The following BICRA variants were observed in gnomAD, a reference collection of about 807,000 sequenced individuals.
BICRA encodes BRD4-interacting chromatin-remodeling complex-associated protein.
In BICRA, 31 loss-of-function variants were observed where a neutral mutation model predicts 96.9. The ratio of observed to expected loss-of-function variants is 0.32; its 90% CI spans 0.24 to 0.43. BICRA has a LOEUF of 0.43. BICRA is among the 20% of genes least tolerant of loss of function. The pLI, the probability that BICRA is intolerant of heterozygous loss-of-function variation, is 1.00. For synonymous variants in BICRA, 1,350 were observed against 1,071.8 expected (o/e 1.26, Z -5.07); for missense variants, 2,283 against 2,190.3 (o/e 1.04, Z -0.84).
chr19:47,680,645 A>G lies in BICRA; in HGVS notation c.1475A>G (p.Asn492Ser), dbSNP rs771343407. 8 of 1,609,102 alleles carry G rather than the reference A, an allele frequency of 5.0e-6. No individual in the cohort carries two copies. The highest frequency in any genetic ancestry group is 5.9e-6 in the Non-Finnish European group (7 of 1,178,026). ...LPQQLSALPA[N>S]VGGQILAAAA... ...CAGCAGCTCTCAGCCCTGCCGGCCA[A>G]CGTGGGCGGGCAGATCCTGGCGGCC... The change falls in exon 6 of 15, where the codon AAC (asparagine) becomes AGC (serine). Residue 492 changes from asparagine (N) to serine (S), a missense_variant. Asn to Ser is a conservative substitution (Grantham distance 46). Coordinates refer to ENST00000594866, the MANE Select transcript of BICRA (RefSeq NM_001394372.1).
chr19:47,614,332 T>C (rs575876125), intron 1 of BICRA, among the ~76,000 whole-genome samples: 1 of 152,156 alleles, frequency 6.6e-6, no homozygotes, highest in East Asian at 1.9e-4. Context: ...TTAAAACTAT[T>C]CAGGCCGGGC....
Position 47,699,112 on chromosome 19 carries a change from G to A in BICRA, c.3492+53G>A. ...CTGGGCTCCTCCTCGCTGGGACACT[G>A]CCCCTTTCCCTCACCCGCTCTGGGC... On this transcript the variant is annotated intron_variant, in intron 13 of 14. Coordinates refer to ENST00000594866, the MANE Select transcript of BICRA (RefSeq NM_001394372.1). This position sits in a 1 kb window ranked among gnomAD's most constrained non-coding sequence, Gnocchi z 5.0. 1.6e-6 allele frequency: 2 copies of A among 1,258,784 alleles called. No individual in the cohort carries two copies. The allele number at this position is 1,258,784 out of a possible 1,614,324, so 78.0% of individuals were successfully genotyped here. A position where few individuals can be genotyped will look rare whatever the true frequency, so the allele number is the denominator to read the frequency against.
At chr19:47,621,208 G>T (rs1972060052) in intron 1 of BICRA, among the ~76,000 whole-genome samples, 1 of 152,126 alleles carries the variant, frequency 6.6e-6, no homozygotes, top group South Asian at 2.1e-4. Context: ...GCCATCAGTT[G>T]TAAGATGCAG....
At chr19:47,696,615 C>A in intron 11 of BICRA, 103 bp downstream of exon 11, 1 of 1,041,790 alleles carries the variant, frequency 9.6e-7, no homozygotes, top group Non-Finnish European at 1.4e-6. Context: ...GCCCAAGTGC[C>A]AAGCCCAGCT....
In BICRA at chr19:47,698,905, C is replaced by T. The variant is rs1026153743; in HGVS notation, c.3398-60C>T. ...ATGCTGACCCTGCCCCGCCCTCCTT[C>T]CTGCGCATCCGCGGCCGCCCCCAAC... is the stretch of plus-strand genomic sequence containing the variant. On this transcript the variant is annotated intron_variant, in intron 12 of 14. Coordinates refer to ENST00000594866, the MANE Select transcript of BICRA (RefSeq NM_001394372.1). The surrounding 1 kb of genome is among the most constrained non-coding windows in gnomAD (Gnocchi z 4.8). 9 of 1,399,708 alleles carry T rather than the reference C, an allele frequency of 6.4e-6. No individual in the cohort carries two copies. The highest frequency in any genetic ancestry group is 5.7e-5 in the African/African-American group (4 of 70,148). The allele number at this position is 1,399,708 out of a possible 1,614,324, so 86.7% of individuals were successfully genotyped here.
rs115513993 is a variant in BICRA, at chr19:47,696,294, T to C, written c.3187-157T>C. 4.8e-3 allele frequency among the ~76,000 whole-genome samples: 730 copies of C among 152,242 alleles called. 3 individuals are homozygous for C. The highest frequency in any genetic ancestry group is 0.017 in the African/African-American group (697 of 41,548). On this transcript the variant is annotated intron_variant, in intron 10 of 14. Transcript: ENST00000594866. ...AGCCCAGGTCTTCCCCTGGGGTTCA[T>C]TGTGATGGGCAGGGGATCCTGTAGC...
chr19:47,698,586 T>TGCCCCCCCCCCCCCC lies in BICRA; in HGVS notation c.3249-48_3249-47insGCCCCCCCCCCCCCC. The TGCCCCCCCCCCCCCC allele has an allele frequency of 1.4e-6, 1 of 716,714 alleles. No individual in the cohort carries two copies. 44.4% of individuals were successfully genotyped at this position (716,714 alleles called of 1,614,324 possible). On this transcript the variant is annotated intron_variant, in intron 11 of 14. Transcript: ENST00000594866. This position sits in a 1 kb window ranked among gnomAD's most constrained non-coding sequence, Gnocchi z 4.8. The stretch of plus-strand genomic sequence containing the variant: ...AGGGACTTCCCCTGGCCCTCACCCG[T>TGCCCCCCCCCCCCCC]CCCCCCCACCCTCCGCCGTGTGTGG...
At chr19:47,646,925 T>G (rs1013407191) in intron 1 of BICRA, among the ~76,000 whole-genome samples, 2 of 152,196 alleles carry the variant, frequency 1.3e-5, no homozygotes, top group African/African-American at 4.8e-5. Context: ...AAAGAAACTC[T>G]GCATCCCTTA....
intron 7 of BICRA, 27 bp from the exon 8 acceptor site, chr19:47,694,088 T>TTCC: frequency 1.7e-6 from 1 of 581,756 alleles, no homozygotes; most frequent in Non-Finnish European, 2.1e-6. Context: ...CCCCCGCCCC[T>TTCC]CCCCTCTCCC....
At chr19:47,647,215 C>T (rs1307169576) in intron 1 of BICRA, among the ~76,000 whole-genome samples, 2 of 151,372 alleles carry the variant, frequency 1.3e-5, no homozygotes, top group African/African-American at 2.4e-5. Context: ...TTTTTTTTTC[C>T]AGTTTGCACT....
intron 1 of BICRA, among the ~76,000 whole-genome samples, chr19:47,627,981 G>A (rs926249876): frequency 6.6e-6 from 1 of 152,140 alleles, no homozygotes; most frequent in African/African-American, 2.4e-5. Flanking sequence ...TGTTGGCCAG[G>A]CTGGTCTCGA....
In BICRA at chr19:47,686,300, A is replaced by G. The variant is rs112679074; in HGVS notation, c.2283+4148A>G. Among the ~76,000 whole-genome samples, 6 of 152,304 alleles carry G rather than the reference A, an allele frequency of 3.9e-5. 1 individual carries two copies. Among genetic ancestry groups the G allele is most frequent in the African/African-American group, 1.4e-4 (6 of 41,560 alleles). ...ATGTATTTGTATATATACACATATCACTGAAACAAAAGTTTCATGAAATAT... is the reference window on the plus strand; with the variant it reads ...ATGTATTTGTATATATACACATATCGCTGAAACAAAAGTTTCATGAAATAT... On this transcript the variant is annotated intron_variant, in intron 7 of 14. Coordinates refer to ENST00000594866, the MANE Select transcript of BICRA (RefSeq NM_001394372.1).
Position 47,699,674 on chromosome 19 carries a change from G to A in BICRA, c.3595+269G>A, listed in dbSNP as rs922916313. On this transcript the variant is annotated intron_variant, in intron 14 of 14. Transcript: ENST00000594866. The surrounding 1 kb of genome is among the most constrained non-coding windows in gnomAD (Gnocchi z 5.0). The stretch of plus-strand genomic sequence containing the variant: ...TGGGGGGAATATTTCTGCCACCCCC[G>A]TGGGACACAAAACAGGAGAGCAGGC... Among the ~76,000 whole-genome samples the A allele has an allele frequency of 3.5e-4, 54 of 152,164 alleles. No individual in the cohort carries two copies. The highest frequency in any genetic ancestry group is 1.2e-3 in the South Asian group (6 of 4,836).
Position 47,619,224 on chromosome 19 carries a change from T to TC in BICRA, c.-108+10059dup, listed in dbSNP as rs1412239118. Among the ~76,000 whole-genome samples, 23 of 109,840 alleles carry TC rather than the reference T, an allele frequency of 2.1e-4. No individual in the cohort carries two copies. The East Asian group carries it at 4.9e-3, about 23-fold the overall frequency. The allele number at this position is 109,840 out of a possible 152,430, so 72.1% of individuals were successfully genotyped here. ...TACATATATATATACACATTTTTTT[T>TC]CCCAACCCCTTTTTTTTTTCCTTTT... On this transcript the variant is annotated intron_variant, in intron 1 of 14. Transcript: ENST00000594866.
At position 47,659,637 on chromosome 19, in the gene BICRA, G is replaced by A. The variant is rs1483018081; in HGVS notation, c.-107-10806G>A. ...GATGCCCCACTTGCCCCTTTGTCTG[G>A]ATTCCTTTGTGCAGTGAACAACCTG... is the stretch of plus-strand genomic sequence containing the variant. On this transcript the variant is annotated intron_variant, in intron 1 of 14. Transcript: ENST00000594866. 4.1e-5 allele frequency among the ~76,000 whole-genome samples: 6 copies of A among 146,520 alleles called. No individual in the cohort carries two copies. The Admixed American group carries it at 4.2e-4, about 10-fold the overall frequency.
chr19:47,702,115 C>T lies in BICRA; in HGVS notation c.4383C>T (p.Asp1461=). The change falls in exon 15 of 15, where the codon GAC becomes GAT. Residue 1461 remains aspartate (D), a synonymous_variant. Transcript: ENST00000594866. ...PAASAAQGTG[D]PDWEAPGLPP... ...CCAGCGCCGCCCAAGGCACCGGGGA[C>T]CCCGACTGGGAGGCGCCCGGGCTGC... 6.5e-7 allele frequency: 1 copy of T among 1,526,946 alleles called. No homozygotes were observed. The allele number at this position is 1,526,946 out of a possible 1,614,324, so 94.6% of individuals were successfully genotyped here. A position where few individuals can be genotyped will look rare whatever the true frequency, so the allele number is the denominator to read the frequency against.
chr19:47,679,659 C>T lies in BICRA; in HGVS notation c.489C>T (p.Ser163=). 6.6e-7 allele frequency: 1 copy of T among 1,514,174 alleles called. No individual in the cohort carries two copies. The highest frequency in any genetic ancestry group is 2.1e-4 in the Middle Eastern group (1 of 4,732). 93.8% of individuals were successfully genotyped at this position (1,514,174 alleles called of 1,614,324 possible). A position where few individuals can be genotyped will look rare whatever the true frequency, so the allele number is the denominator to read the frequency against. The change falls in exon 6 of 15, where the codon AGC becomes AGT. Residue 163 remains serine, a synonymous_variant. Coordinates refer to ENST00000594866, the MANE Select transcript of BICRA (RefSeq NM_001394372.1). ...GGCCCCAAGCCCTCTTCCCAGGCAGCACCGACCTGCTGGGGCTGCAGGGCC... is the reference window on the plus strand; with the variant it reads ...GGCCCCAAGCCCTCTTCCCAGGCAGTACCGACCTGCTGGGGCTGCAGGGCC... ...AAGPQALFPG[S]TDLLGLQGPP...
chr19:47,668,124 G>A (rs368516343), intron 1 of BICRA, among the ~76,000 whole-genome samples: 2 of 152,278 alleles, frequency 1.3e-5, no homozygotes, highest in African/African-American at 2.4e-5. Flanking sequence ...CAGCTACTCC[G>A]GAGGCTGAGG....
At chr19:47,683,601 T>G (rs889503814) in intron 7 of BICRA, among the ~76,000 whole-genome samples, 1 of 151,878 alleles carries the variant, frequency 6.6e-6, no homozygotes, top group African/African-American at 2.4e-5. Flanking sequence ...TTTTTTTTTT[T>G]TGAGATGGAG....
Sources: gnomAD v4.1 joint callset for allele counts (sites outside exome capture counted in the v4.1 genomes callset) on GRCh38, gnomAD v4.1.1 for gene constraint, Gnocchi (gnomAD v3.1) non-coding constraint, MANE v1.5 for transcripts, NCBI Gene and HGNC (gene_info 2026-07-23, HGNC 2026-07-21) for gene names.